The following DOT1L variants were observed in gnomAD, a reference collection of about 807,000 sequenced individuals.
The protein encoded by DOT1L is histone-lysine N-methyltransferase, H3 lysine-79 specific.
A neutral mutation model predicts 153.3 loss-of-function variants in DOT1L; 33 were observed. The observed-to-expected ratio is 0.22, with a 90% CI of 0.16 to 0.29. The LOEUF is 0.29. Among genes scored for constraint, DOT1L ranks in the 10% least tolerant of loss-of-function variants. DOT1L has a pLI of 1.00. For synonymous variants in DOT1L, 1,135 were observed against 965.1 expected (o/e 1.18, Z -3.26); for missense variants, 1,847 against 2,119.9 (o/e 0.87, Z 2.53).
At chr19:2,212,914 GAT>G (rs1237519537) in intron 16 of DOT1L, 2 of 152,316 alleles carry the variant, frequency 1.3e-5, no homozygotes, top group Non-Finnish European at 2.9e-5. Flanking sequence ...GCGGCCCAGA[GAT>G]AACTCCAAAA....
intron 3 of DOT1L, among the ~76,000 whole-genome samples, chr19:2,186,382 C>G (rs565867359): frequency 6.6e-6 from 1 of 152,114 alleles, no homozygotes; most frequent in African/African-American, 2.4e-5. Context: ...TCCTGGGTCT[C>G]GGAGGAGGGT....
At position 2,226,930 on chromosome 19, in the gene DOT1L, C is replaced by A. The variant is rs1357867252; in HGVS notation, c.4409C>A (p.Pro1470Gln). The A allele has an allele frequency of 6.3e-6, 10 of 1,582,124 alleles. No individual in the cohort carries two copies. The highest frequency in any genetic ancestry group is 1.1e-5 in the South Asian group (1 of 88,908). Residue 1470 changes from proline to glutamine, a missense_variant, in exon 27 of 28, where the codon CCG becomes CAG. Coordinates refer to ENST00000398665, the MANE Select transcript of DOT1L (RefSeq NM_032482.3). ...CGGTCCTTCCTGGGCCCCTTCCCGC[C>A]GGGACCGCAGTTCGCGCTCGGCCCC... ...THRSFLGPFP[P>Q]GPQFALGPMS...
intron 2 of DOT1L, among the ~76,000 whole-genome samples, chr19:2,183,731 ATTC>A (rs1355541675): frequency 1.3e-5 from 2 of 150,682 alleles, no homozygotes; most frequent in Non-Finnish European, 3.0e-5. Context: ...GGTTCAAGTG[ATTC>A]TTCTTCCTCA....
chr19:2,230,594 C>G lies in DOT1L; in HGVS notation c.*802C>G. 1 of 398,572 alleles carries G rather than the reference C, an allele frequency of 2.5e-6. No individual in the cohort carries two copies. Among genetic ancestry groups the G allele is most frequent in the Non-Finnish European group, 4.4e-6 (1 of 226,066 alleles). 24.7% of individuals were successfully genotyped at this position (398,572 alleles called of 1,614,324 possible). A position where few individuals can be genotyped will look rare whatever the true frequency, so the allele number is the denominator to read the frequency against. On this transcript the variant is annotated 3_prime_UTR_variant, in exon 28 of 28. Coordinates refer to ENST00000398665, the MANE Select transcript of DOT1L (RefSeq NM_032482.3). Reference sequence around the variant, plus strand: ...GCCCTGCGATGCGGGGCAGGCCTGTCGTGGGTCCCTTGGTGTTTCTGTACA... The same window carrying G: ...GCCCTGCGATGCGGGGCAGGCCTGTGGTGGGTCCCTTGGTGTTTCTGTACA...
intron 3 of DOT1L, among the ~76,000 whole-genome samples, chr19:2,187,756 A>C (rs2022586303): frequency 6.6e-6 from 1 of 152,112 alleles, no homozygotes; most frequent in Admixed American, 6.6e-5. Context: ...CCCCGTCTCT[A>C]CTAAAAATAC....
chr19:2,172,648 A>G (rs2021706090), intron 1 of DOT1L, among the ~76,000 whole-genome samples: 1 of 150,772 alleles, frequency 6.6e-6, no homozygotes, highest in Admixed American at 6.6e-5. Flanking sequence ...GGGATTACAG[A>G]TGTGTGCCAC....
Position 2,217,189 on chromosome 19 carries a change from G to A in DOT1L, c.2544+99G>A, listed in dbSNP as rs1313922414. 1 of 1,431,958 alleles carries A rather than the reference G, an allele frequency of 7.0e-7. No homozygotes were observed. Among genetic ancestry groups the A allele is most frequent in the Non-Finnish European group, 9.2e-7 (1 of 1,089,514 alleles). 88.7% of individuals were successfully genotyped at this position (1,431,958 alleles called of 1,614,324 possible). On this transcript the variant is annotated intron_variant, in intron 21 of 27. Transcript: ENST00000398665. This position sits in a 1 kb window ranked among gnomAD's most constrained non-coding sequence, Gnocchi z 7.3. ...AGGGCTTGTCCTAGTTGACCTTGGG[G>A]CACGGTGAGGTACTGGGGCTGACCT...
At chr19:2,174,884 G>A (rs771421085) in intron 1 of DOT1L, among the ~76,000 whole-genome samples, 3 of 151,464 alleles carry the variant, frequency 2.0e-5, no homozygotes, top group Non-Finnish European at 4.4e-5. Flanking sequence ...CAGTCCTCCC[G>A]CCTCAACCTC....
intron 1 of DOT1L, among the ~76,000 whole-genome samples, chr19:2,176,832 C>G (rs973413967): frequency 3.3e-5 from 5 of 152,192 alleles, no homozygotes; most frequent in Non-Finnish European, 5.9e-5. Context: ...GGGGAAGACG[C>G]TATGGACAGA....
chr19:2,177,172 T>C (rs1182603567), intron 1 of DOT1L, among the ~76,000 whole-genome samples: 2 of 152,186 alleles, frequency 1.3e-5, no homozygotes, highest in Admixed American at 1.3e-4. Context: ...CGGCAGCCAC[T>C]AGCCACTCGG....
Position 2,222,461 on chromosome 19 carries a change from A to T in DOT1L, c.3292A>T (p.Ser1098Cys). 6.2e-7 allele frequency: 1 copy of T among 1,606,882 alleles called. No homozygotes were observed. Among genetic ancestry groups the T allele is most frequent in the Non-Finnish European group, 8.5e-7 (1 of 1,178,658 alleles). Reference protein sequence around the residue: ...RRKRASAGTPSLSAGVSPKRR... With the variant: ...RRKRASAGTPCLSAGVSPKRR... ...GAAGCGAGCATCTGCGGGGACGCCC[A>T]GCTTGAGCGCAGGCGTGTCCCCCAA... The change falls in exon 24 of 28, where the codon AGC becomes TGC. Residue 1098 changes from serine (S) to cysteine (C), a missense_variant. Physicochemically the swap from Ser to Cys is moderately radical, Grantham distance 112 (BLOSUM62 -1). Around this residue, in one of 8 missense-constraint regions of DOT1L, gnomAD observed 934 missense variants for 825.3 expected, o/e 1.13. Transcript: ENST00000398665. The surrounding 1 kb of genome is among the most constrained non-coding windows in gnomAD (Gnocchi z 6.5).
At chr19:2,185,982 G>A (rs944264806) in intron 3 of DOT1L, 53 bp downstream of exon 3, 15 of 1,556,386 alleles carry the variant, frequency 9.6e-6, no homozygotes, top group African/African-American at 1.4e-5. Flanking sequence ...TCGGCTCTTG[G>A]GGAGGACAGG....
intron 23 of DOT1L, chr19:2,221,673 A>C (rs2024120346): frequency 2.4e-6 from 1 of 424,156 alleles, no homozygotes; most frequent in Non-Finnish European, 4.2e-6. Flanking sequence ...ACTCAGAGGA[A>C]GCCTAGCTCA....
chr19:2,225,583 T>C (rs1289306710), intron 26 of DOT1L, 131 bp downstream of exon 26: 9 of 1,014,288 alleles, frequency 8.9e-6, no homozygotes, highest in South Asian at 2.6e-5. Flanking sequence ...CGTCGTGTCC[T>C]GCGTGGTGCT....
chr19:2,225,531 G>C (rs539040247), intron 26 of DOT1L, 79 bp downstream of exon 26: 8 of 1,419,578 alleles, frequency 5.6e-6, no homozygotes, highest in South Asian at 1.1e-5. Context: ...TGACCCACCT[G>C]CTGGCCCGCT....
Position 2,228,251 on chromosome 19 carries a change from C to G in DOT1L, c.4606+1124C>G, listed in dbSNP as rs772068758. 11 of 1,362,074 alleles carry G rather than the reference C, an allele frequency of 8.1e-6. No individual in the cohort carries two copies. In the African/African-American group the frequency reaches 1.6e-4, roughly 20 times the overall value. The allele number at this position is 1,362,074 out of a possible 1,614,324, so 84.4% of individuals were successfully genotyped here. A position where few individuals can be genotyped will look rare whatever the true frequency, so the allele number is the denominator to read the frequency against. On this transcript the variant is annotated intron_variant, in intron 27 of 27. Transcript: ENST00000398665. The stretch of plus-strand genomic sequence containing the variant: ...CCCTGGCCCAGGCCGCGCCCGGGAT[C>G]CCACAGGCCAGCGCCACGGGGCCGT...
Position 2,226,942 on chromosome 19 carries a change from TC to T in DOT1L, c.4422del (p.Phe1474LeufsTer44). 1 of 1,584,262 alleles carries T rather than the reference TC, an allele frequency of 6.3e-7. No individual in the cohort carries two copies. The highest frequency in any genetic ancestry group is 8.5e-7 in the Non-Finnish European group (1 of 1,173,852). On this transcript the variant is annotated frameshift_variant, in exon 27 of 28. Transcript: ENST00000398665. LOFTEE classifies it high-confidence loss of function. ...FLGPFPPGPQ[F>X]ALGPMSLQAN... Reference sequence around the variant, plus strand: ...GGCCCCTTCCCGCCGGGACCGCAGTTCGCGCTCGGCCCCATGTCCCTGCAGG... The same window carrying T: ...GGCCCCTTCCCGCCGGGACCGCAGTTGCGCTCGGCCCCATGTCCCTGCAGG...
intron 1 of DOT1L, among the ~76,000 whole-genome samples, chr19:2,168,595 G>A (rs1180554110): frequency 6.6e-6 from 1 of 152,146 alleles, no homozygotes; most frequent in Admixed American, 6.6e-5. Context: ...CTGGATAACC[G>A]CTTTTCTCAA....
rs1432998307 is a variant in DOT1L, at chr19:2,220,083, G to A, written c.2692-25G>A. On this transcript the variant is annotated intron_variant, in intron 22 of 27. Transcript: ENST00000398665. The surrounding 1 kb of genome is among the most constrained non-coding windows in gnomAD (Gnocchi z 4.5). ...GTCTCCTGGGGCACCTGCTGCCCCT[G>A]ACACACAGGGTTTTCTCTCTGCAGA... is the stretch of plus-strand genomic sequence containing the variant. 1 of 1,580,880 alleles carries A rather than the reference G, an allele frequency of 6.3e-7. No homozygotes were observed. Among genetic ancestry groups the A allele is most frequent in the Admixed American group, 1.7e-5 (1 of 58,314 alleles).
Sources: allele counts gnomAD v4.1 joint callset (sites outside exome capture counted in the v4.1 genomes callset), GRCh38; gene constraint gnomAD v4.1.1; regional missense constraint gnomAD v4.1.1; non-coding constraint Gnocchi (gnomAD v3.1); transcripts MANE v1.5; gene names NCBI Gene and HGNC (gene_info 2026-07-23, HGNC 2026-07-21).